RELL1: variants seen among roughly 807,000 people sequenced by gnomAD.
The protein encoded by RELL1 is RELT-like protein 1.
Under a neutral mutation model 23.0 loss-of-function variants are expected in RELL1, and 10 were observed. The observed-to-expected ratio is 0.43, with a 90% CI of 0.27 to 0.74. The LOEUF (loss-of-function observed/expected upper bound fraction) is 0.74. Among genes scored for constraint, RELL1 ranks in the 30% least tolerant of loss-of-function variants. The pLI is 0.19. For missense variants in RELL1, 315 were observed against 364.4 expected, an observed-to-expected ratio of 0.86 and a Z score of 1.10; for synonymous variants, 146 against 146.8, an observed-to-expected ratio of 0.99 and a Z score of 0.04.
chr4:37,641,733 C>G lies in RELL1; in HGVS notation c.386-3229G>C, dbSNP rs1394079238. On this transcript the variant is annotated intron_variant, in intron 3 of 6. Transcript: ENST00000454158. ...AGCCAAAATCAGGCAAGAAAAATGT[C>G]TTCTGTCTCTCCCATCACTATTCTC... 3.9e-5 allele frequency among the ~76,000 whole-genome samples: 6 copies of G among 152,168 alleles called. No homozygotes were observed. In the East Asian group the frequency reaches 1.2e-3, roughly 29 times the overall value.
chr4:37,639,208 C>A (rs78009569), intron 3 of RELL1, among the ~76,000 whole-genome samples: 5,581 of 151,986 alleles, frequency 0.037, 269 homozygotes, highest in East Asian at 0.16. Context: ...CACGGTGAAA[C>A]CCCATCTGTA....
chr4:37,588,068 A>T (rs151294233), downstream of RELL1: 1,704 of 152,390 alleles, frequency 0.011, 23 homozygotes, highest in Middle Eastern at 0.037. Flanking sequence ...CTGAGGAAGG[A>T]AGAGGCCAAC....
At chr4:37,608,033 G>T (rs939019774), downstream of RELL1, among the ~76,000 whole-genome samples, 1 of 152,068 alleles carries the variant, frequency 6.6e-6, no homozygotes, top group Non-Finnish European at 1.5e-5. Flanking sequence ...TGTTACTATT[G>T]TAATTGTTTT....
chr4:37,659,484 C>T (rs1721241731), intron 1 of RELL1, among the ~76,000 whole-genome samples: 1 of 152,190 alleles, frequency 6.6e-6, no homozygotes, highest in African/African-American at 2.4e-5. Flanking sequence ...GCATTTCTCA[C>T]ACCCAGTGGG....
intron 5 of RELL1, among the ~76,000 whole-genome samples, chr4:37,632,189 G>A (rs1720166877): frequency 7.4e-6 from 1 of 135,518 alleles, no homozygotes; most frequent in South Asian, 2.6e-4. Context: ...ATTTGTTTTC[G>A]AGACAGAGTT....
At chr4:37,632,984 T>C (rs1050067817) in intron 5 of RELL1, among the ~76,000 whole-genome samples, 1 of 152,320 alleles carries the variant, frequency 6.6e-6, no homozygotes, top group Middle Eastern at 3.4e-3. Context: ...ACAGGGAAAC[T>C]GTAAACACAA....
At chr4:37,683,915 A>T (rs1407937220) in intron 1 of RELL1, among the ~76,000 whole-genome samples, 1 of 151,204 alleles carries the variant, frequency 6.6e-6, no homozygotes, top group Non-Finnish European at 1.5e-5. Flanking sequence ...CCCCGTCTCT[A>T]CTAAAAATAT....
chr4:37,586,367 T>C (rs967289018), downstream of RELL1, among the ~76,000 whole-genome samples: 18 of 152,306 alleles, frequency 1.2e-4, no homozygotes, highest in Admixed American at 8.5e-4. Context: ...TCCACATTTA[T>C]TGACTGCCTG....
chr4:37,630,526 G>C (rs1275277862), intron 6 of RELL1, among the ~76,000 whole-genome samples: 3 of 151,644 alleles, frequency 2.0e-5, no homozygotes, highest in Admixed American at 2.0e-4. Context: ...CACTACGCCC[G>C]GCTACTTTTT....
chr4:37,678,807 G>A (rs1025555808), intron 1 of RELL1, among the ~76,000 whole-genome samples: 5 of 152,138 alleles, frequency 3.3e-5, no homozygotes, highest in African/African-American at 7.2e-5. Flanking sequence ...CTATAATACC[G>A]ATAAGGAAAG....
intron 6 of RELL1, among the ~76,000 whole-genome samples, chr4:37,601,624 G>A (rs575927443): frequency 6.6e-6 from 1 of 152,326 alleles, no homozygotes; most frequent in Admixed American, 6.5e-5. Context: ...GTTTGCAAAA[G>A]CATTTCACAA....
chr4:37,673,194 T>TTTTTTTG lies in RELL1; in HGVS notation c.88+13005_88+13006insCAAAAAA, dbSNP rs1721900463. Among the ~76,000 whole-genome samples, 4 of 110,800 alleles carry TTTTTTTG rather than the reference T, an allele frequency of 3.6e-5. 1 individual carries two copies. Among genetic ancestry groups the TTTTTTTG allele is most frequent in the African/African-American group, 1.3e-4 (4 of 29,940 alleles). 72.7% of individuals were successfully genotyped at this position (110,800 alleles called of 152,430 possible). On this transcript the variant is annotated intron_variant, in intron 1 of 6. Coordinates refer to ENST00000454158, the MANE Select transcript of RELL1 (RefSeq NM_001085400.2). Reference sequence around the variant, plus strand: ...CTATATACTTTTTTTTTCTTTTTTTTTTTTTTTTTTTTTGAGACAGGGTTT... The same window carrying TTTTTTTG: ...CTATATACTTTTTTTTTCTTTTTTTTTTTTTTGTTTTTTTTTTTTTGAGACAGGGTTT...
chr4:37,622,509 A>T (rs768872852), intron 6 of RELL1, among the ~76,000 whole-genome samples: 4 of 152,206 alleles, frequency 2.6e-5, no homozygotes, highest in Non-Finnish European at 4.4e-5. Context: ...GTTCTTTTTT[A>T]AAAATTCCAT....
intron 6 of RELL1, among the ~76,000 whole-genome samples, chr4:37,614,776 C>T (rs1265314937): frequency 6.6e-6 from 1 of 151,986 alleles, no homozygotes; most frequent in Non-Finnish European, 1.5e-5. Flanking sequence ...TTTTATGTCT[C>T]CTCTTTATGT....
chr4:37,650,165 A>C (rs1271224702), intron 1 of RELL1, among the ~76,000 whole-genome samples: 3 of 152,232 alleles, frequency 2.0e-5, no homozygotes. Flanking sequence ...CTTGTGATGC[A>C]GGTTCATCAC....
chr4:37,676,195 G>A (rs1031682700), intron 1 of RELL1, among the ~76,000 whole-genome samples: 1 of 152,194 alleles, frequency 6.6e-6, no homozygotes, highest in East Asian at 1.9e-4. Flanking sequence ...GGTACTCAGG[G>A]CATGTCATTT....
At chr4:37,653,558 T>C (rs1196170230) in intron 1 of RELL1, among the ~76,000 whole-genome samples, 1 of 152,140 alleles carries the variant, frequency 6.6e-6, no homozygotes, top group African/African-American at 2.4e-5. Context: ...TCCTTAACCT[T>C]TGCAAAATAA....
intron 6 of RELL1, among the ~76,000 whole-genome samples, chr4:37,616,739 G>A (rs1001501034): frequency 2.6e-5 from 4 of 152,134 alleles, no homozygotes; most frequent in East Asian, 3.9e-4. Context: ...CTGAAGTCCC[G>A]GAGCTACATT....
chr4:37,622,236 C>G (rs1421028423), intron 6 of RELL1, among the ~76,000 whole-genome samples: 2 of 152,206 alleles, frequency 1.3e-5, no homozygotes, highest in Non-Finnish European at 2.9e-5. Flanking sequence ...AGTATCTATA[C>G]TCTCATTTGT....
Sources: gnomAD v4.1 joint callset for allele counts (sites outside exome capture counted in the v4.1 genomes callset) on GRCh38, gnomAD v4.1.1 for gene constraint, MANE v1.5 for transcripts, NCBI Gene and HGNC (gene_info 2026-07-23, HGNC 2026-07-21) for gene names.